The following RTCA variants were observed in gnomAD, a reference collection of about 807,000 sequenced individuals.
RTCA encodes the protein RNA 3'-terminal phosphate cyclase, also known as RNA terminal phosphate cyclase domain 1.
In RTCA, 37 loss-of-function variants were observed where a neutral mutation model predicts 46.1. The ratio of observed to expected loss-of-function variants is 0.80; its 90% CI spans 0.62 to 1.06. RTCA has a LOEUF of 1.06. Ranked by LOEUF, RTCA falls within the 50% of genes least tolerant of loss-of-function variation. The pLI is 0.00. For synonymous variants in RTCA, 164 were observed against 158.3 expected, an observed-to-expected ratio of 1.04 and a Z score of -0.27; for missense variants, 435 against 455.5, an observed-to-expected ratio of 0.95 and a Z score of 0.41.
chr1:100,277,595 A>G (rs771701703), intron 8 of RTCA, among the ~76,000 whole-genome samples: 6 of 152,132 alleles, frequency 3.9e-5, no homozygotes, highest in Admixed American at 2.0e-4. Flanking sequence ...TTTGTTGTGT[A>G]TATTTCTGAG....
intron 8 of RTCA, among the ~76,000 whole-genome samples, chr1:100,278,371 T>A (rs1269046891): frequency 6.6e-6 from 1 of 152,234 alleles, no homozygotes; most frequent in Non-Finnish European, 1.5e-5. Context: ...TGCATGTGTT[T>A]GTTAATATTT....
intron 9 of RTCA, among the ~76,000 whole-genome samples, chr1:100,285,934 C>T (rs1666998700): frequency 6.6e-6 from 1 of 152,196 alleles, no homozygotes; most frequent in Admixed American, 6.5e-5. Flanking sequence ...TGTGCCTGGC[C>T]AACTTCTAAA....
At chr1:100,280,982 C>G (rs1344757989) in intron 8 of RTCA, among the ~76,000 whole-genome samples, 1 of 152,112 alleles carries the variant, frequency 6.6e-6, no homozygotes, top group Non-Finnish European at 1.5e-5. Context: ...GCACTCCAGC[C>G]TAGGTGATAG....
At chr1:100,272,670 C>T (rs138547820) in intron 4 of RTCA, among the ~76,000 whole-genome samples, 31 of 152,204 alleles carry the variant, frequency 2.0e-4, no homozygotes, top group African/African-American at 7.5e-4. Context: ...GAAATATTGC[C>T]ATTCTAATAG....
Position 100,266,418 on chromosome 1 carries a change from G to T in RTCA, c.43G>T (p.Gly15Trp), listed in dbSNP as rs1035374266. 6.2e-7 allele frequency: 1 copy of T among 1,612,408 alleles called. No individual in the cohort carries two copies. Among genetic ancestry groups the T allele is most frequent in the Non-Finnish European group, 8.5e-7 (1 of 1,179,368 alleles). The change falls in exon 1 of 11, where the codon GGG (glycine) becomes TGG (tryptophan). Residue 15 changes from glycine to tryptophan, a missense_variant and splice_region_variant. Gly to Trp is a radical substitution (Grantham distance 184). Coordinates refer to ENST00000370128, the MANE Select transcript of RTCA (RefSeq NM_003729.4). Reference protein sequence around the residue: ...RVEVDGSIMEGGGQILRVSTA... With the variant: ...RVEVDGSIMEWGGQILRVSTA... ...GGAGGTCGATGGCAGCATCATGGAAGGGGTGAGTACAGAGCGAAGCGGCCG... is the reference window on the plus strand; with the variant it reads ...GGAGGTCGATGGCAGCATCATGGAATGGGTGAGTACAGAGCGAAGCGGCCG...
chr1:100,272,317 G>A (rs934390604), intron 4 of RTCA, among the ~76,000 whole-genome samples: 3 of 152,168 alleles, frequency 2.0e-5, no homozygotes. Context: ...GCACAGTGGT[G>A]TGTGCCTATA....
chr1:100,267,407 G>A (rs1665844836), intron 2 of RTCA: 2 of 1,278,358 alleles, frequency 1.6e-6, no homozygotes, highest in Admixed American at 3.1e-5. Context: ...CAATTCATTA[G>A]GCTGTAGGTG....
intron 8 of RTCA, among the ~76,000 whole-genome samples, chr1:100,279,368 T>C (rs1192953641): frequency 6.6e-6 from 1 of 152,316 alleles, no homozygotes; most frequent in Non-Finnish European, 1.5e-5. Context: ...TGGGGACTGA[T>C]TGACACCAAA....
intron 3 of RTCA, among the ~76,000 whole-genome samples, chr1:100,269,056 A>C (rs892150043): frequency 1.3e-5 from 2 of 150,238 alleles, no homozygotes; most frequent in Non-Finnish European, 3.0e-5. Flanking sequence ...TATATAAATA[A>C]AAATTAGCTG....
In RTCA at chr1:100,278,953, T is replaced by G. The variant is rs571426588; in HGVS notation, c.799+1637T>G. 4.6e-5 allele frequency among the ~76,000 whole-genome samples: 7 copies of G among 152,320 alleles called. No homozygotes were observed. The South Asian group carries it at 6.2e-4, about 14-fold the overall frequency. On this transcript the variant is annotated intron_variant, in intron 8 of 10. Coordinates refer to ENST00000370128, the MANE Select transcript of RTCA (RefSeq NM_003729.4). Reference sequence around the variant, plus strand: ...CCCAGGAATCCATTTTAACAAACTTTCCAGGTACTTTTAATGTATACTGAA... The same window carrying G: ...CCCAGGAATCCATTTTAACAAACTTGCCAGGTACTTTTAATGTATACTGAA...
At position 100,266,601 on chromosome 1, in the gene RTCA, C is replaced by T. The variant is rs1446964598; in HGVS notation, c.123C>T (p.Ala41=). ...CCTTGCGGGTGCAGAAGATCCGAGC[C>T]GGCCGGAGCACGCCAGGCCTGAGGT... ...GLPLRVQKIR[A]GRSTPGLRPQ... Residue 41 remains alanine, a synonymous_variant, in exon 2 of 11, where the codon GCC becomes GCT. Transcript: ENST00000370128. 1.2e-6 allele frequency: 2 copies of T among 1,613,388 alleles called. No homozygotes were observed. Among genetic ancestry groups the T allele is most frequent in the African/African-American group, 1.3e-5 (1 of 75,016 alleles).
chr1:100,272,696 CAA>C (rs1017004444), intron 4 of RTCA, among the ~76,000 whole-genome samples: 1 of 152,114 alleles, frequency 6.6e-6, no homozygotes, highest in African/African-American at 2.4e-5. Flanking sequence ...ATAATCTTTT[CAA>C]AGTCAGTTCG....
intron 8 of RTCA, among the ~76,000 whole-genome samples, chr1:100,279,855 T>C (rs752446727): frequency 6.6e-6 from 1 of 152,128 alleles, no homozygotes; most frequent in African/African-American, 2.4e-5. Context: ...TGGAGAGAGA[T>C]GACAACAGAA....
rs776105129 is a variant in RTCA, at chr1:100,277,266, C to A, written c.749C>A (p.Ala250Asp). 1.2e-6 allele frequency: 2 copies of A among 1,612,770 alleles called. No individual in the cohort carries two copies. The highest frequency in any genetic ancestry group is 3.3e-5 in the Admixed American group (2 of 59,740). ...FGNGNGIIII[A>D]ETSTGCLFAG... ...CTTTTTTTCTTGCATAGAATTATTG[C>A]TGAGACCTCCACTGGCTGTTTGTTT... Residue 250 changes from alanine to aspartate, a missense_variant, in exon 8 of 11, where the codon GCT becomes GAT. Ala to Asp is a moderately radical substitution (Grantham distance 126, BLOSUM62 -2). Transcript: ENST00000370128.
chr1:100,288,386 A>G (rs897977903), intron 10 of RTCA, among the ~76,000 whole-genome samples: 9 of 152,154 alleles, frequency 5.9e-5, no homozygotes, highest in Admixed American at 4.6e-4. Context: ...CAATTTTATA[A>G]GGGAAGTTGC....
intron 3 of RTCA, among the ~76,000 whole-genome samples, chr1:100,269,601 T>G (rs1665973037): frequency 6.6e-6 from 1 of 152,132 alleles, no homozygotes; most frequent in African/African-American, 2.4e-5. Flanking sequence ...CCCAAAGTGC[T>G]GGGATACAGG....
chr1:100,271,487 GAGTGTGATATAAATTATATC>G (rs1172749437), intron 4 of RTCA, among the ~76,000 whole-genome samples: 1 of 151,910 alleles, frequency 6.6e-6, no homozygotes, highest in East Asian at 1.9e-4. Flanking sequence ...AAAACACCTC[GAGTGTGATATAAATTATATC>G]AGTTGTGATG....
At chr1:100,270,221 T>C (rs1033412629) in intron 3 of RTCA, among the ~76,000 whole-genome samples, 9 of 152,204 alleles carry the variant, frequency 5.9e-5, no homozygotes, top group Non-Finnish European at 1.3e-4. Context: ...TTATTTTTAA[T>C]TTTTTTTCTT....
chr1:100,291,278 T>G, intron 10 of RTCA, 125 bp from the exon 11 acceptor site: 1 of 599,274 alleles, frequency 1.7e-6, no homozygotes, highest in South Asian at 2.2e-5. Context: ...ATTTGATCTT[T>G]GTGTCTCTGT....
Sources: allele counts gnomAD v4.1 joint callset (sites outside exome capture counted in the v4.1 genomes callset), GRCh38; gene constraint gnomAD v4.1.1; transcripts MANE v1.5; gene names NCBI Gene and HGNC (gene_info 2026-07-23, HGNC 2026-07-21).